Variants in ZNF564 observed in about 807,000 individuals in gnomAD.
ZNF564 encodes the protein zinc finger protein 564.
ZNF564 carries 5 observed loss-of-function variants against 10.5 expected under a neutral mutation model. The observed-to-expected ratio is 0.48, with a 90% confidence interval of 0.25 to 1.00. The LOEUF is 1.00. ZNF564 is among the 50% of genes least tolerant of loss of function. ZNF564 has a pLI of 0.16. For synonymous variants in ZNF564, 242 were observed against 218.1 expected (o/e 1.11, Z -0.97); for missense variants, 603 against 669.7 (o/e 0.90, Z 1.10).
In ZNF564 at chr19:12,527,135, G is replaced by A. The variant is rs757998779; in HGVS notation, c.973C>T (p.Arg325Ter). 1.4e-4 allele frequency: 230 copies of A among 1,613,830 alleles called. No individual in the cohort carries two copies. The highest frequency in any genetic ancestry group is 1.9e-4 in the Non-Finnish European group (223 of 1,179,996). The part of the protein sequence containing the change: ...GRAFIFPSYV[R>*]KHERTHTGEK... ...CCAGTATGAGTTCTTTCATGCTTTCGAACATAACTGGGAAAAATAAAGGCT... is the reference window on the plus strand; with the variant it reads ...CCAGTATGAGTTCTTTCATGCTTTCAAACATAACTGGGAAAAATAAAGGCT... The change falls in exon 4 of 4, where the codon CGA (arginine) becomes TGA (stop). Residue 325 changes from arginine to a stop codon, truncating the protein, a stop_gained. Coordinates refer to ENST00000339282, the MANE Select transcript of ZNF564 (RefSeq NM_144976.4). LOFTEE classifies it low-confidence loss of function (END_TRUNC).
chr19:12,527,865 T>G lies in ZNF564; in HGVS notation c.243A>C (p.Gly81=). 6.2e-7 allele frequency: 1 copy of G among 1,613,422 alleles called. No individual in the cohort carries two copies. The highest frequency in any genetic ancestry group is 8.5e-7 in the Non-Finnish European group (1 of 1,179,610). ...LSESKEYDQC[G]EAFSQILNLN... ...GATTGAGAATCTGACTGAAGGCTTC[T>G]CCACATTGATCATATTCTTTACTTT... The change falls in exon 4 of 4, where the codon GGA becomes GGC. Residue 81 remains glycine (G), a synonymous_variant. Coordinates refer to ENST00000339282, the MANE Select transcript of ZNF564 (RefSeq NM_144976.4).
At chr19:12,551,247 G>A (rs865809218) in intron 1 of ZNF564, 83 bp downstream of exon 1, 3 of 1,477,918 alleles carry the variant, frequency 2.0e-6, no homozygotes, top group Middle Eastern at 2.0e-4. Flanking sequence ...CTGCAGGGAG[G>A]CCAGGGTGCT....
chr19:12,538,450 C>A (rs1006907473), intron 1 of ZNF564, among the ~76,000 whole-genome samples: 2 of 151,838 alleles, frequency 1.3e-5, no homozygotes, highest in African/African-American at 4.8e-5. Flanking sequence ...ATGATGGAAC[C>A]CCATCTCTAC....
intron 1 of ZNF564, among the ~76,000 whole-genome samples, chr19:12,537,733 C>T (rs868831777): frequency 1.3e-4 from 16 of 119,844 alleles, no homozygotes; most frequent in Middle Eastern, 4.5e-3. Flanking sequence ...AGTGAAACTC[C>T]GTCTCAAAAA....
intron 1 of ZNF564, chr19:12,529,702 G>C (rs12982356): frequency 0.59 from 90,314 of 151,876 alleles, 28,330 homozygotes; most frequent in Non-Finnish European, 0.69. Context: ...CACAGGGTAG[G>C]CCAGGCGCAC....
intron 1 of ZNF564, among the ~76,000 whole-genome samples, chr19:12,551,075 G>A (rs1328556313): frequency 6.6e-6 from 1 of 152,236 alleles, no homozygotes; most frequent in Non-Finnish European, 1.5e-5. Flanking sequence ...GGGGCTGCGG[G>A]CGCGGAGCTG....
At chr19:12,528,843 C>T (rs946457177) in intron 1 of ZNF564, 147 bp from the exon 2 acceptor site, 30 of 819,164 alleles carry the variant, frequency 3.7e-5, no homozygotes, top group Middle Eastern at 5.7e-4. Flanking sequence ...GCATACAGAT[C>T]ACCTGAGGTC....
Position 12,526,389 on chromosome 19 carries a change from A to C in ZNF564, c.*57T>G. ...CAAACAAGTCTGAAACCCAGAAAGCAAACTGAAGACTTTCCATATTCTTTA... is the reference window on the plus strand; with the variant it reads ...CAAACAAGTCTGAAACCCAGAAAGCCAACTGAAGACTTTCCATATTCTTTA... On this transcript the variant is annotated 3_prime_UTR_variant, in exon 4 of 4. Coordinates refer to ENST00000339282, the MANE Select transcript of ZNF564 (RefSeq NM_144976.4). The C allele has an allele frequency of 2.7e-6, 4 of 1,505,908 alleles. No individual in the cohort carries two copies. Among genetic ancestry groups the C allele is most frequent in the Non-Finnish European group, 3.5e-6 (4 of 1,128,804 alleles). 93.3% of individuals were successfully genotyped at this position (1,505,908 alleles called of 1,614,324 possible). A position where few individuals can be genotyped will look rare whatever the true frequency, so the allele number is the denominator to read the frequency against.
intron 1 of ZNF564, chr19:12,532,781 A>C (rs182349220): frequency 9.9e-5 from 15 of 152,254 alleles, no homozygotes; most frequent in African/African-American, 3.6e-4. Flanking sequence ...AGCATCACAT[A>C]ATGATAAAGG....
At chr19:12,547,812 T>TC (rs2022181433) in intron 1 of ZNF564, among the ~76,000 whole-genome samples, 1 of 121,466 alleles carries the variant, frequency 8.2e-6, no homozygotes, top group African/African-American at 3.5e-5. Flanking sequence ...ATTCACTTAC[T>TC]TTTTTTTTTT....
chr19:12,528,318 C>T lies in ZNF564; in HGVS notation c.177G>A (p.Gln59=). The T allele has an allele frequency of 6.2e-7, 1 of 1,609,676 alleles. No individual in the cohort carries two copies. The highest frequency in any genetic ancestry group is 8.5e-7 in the Non-Finnish European group (1 of 1,179,078). ...DQSIEDWYKN[Q]GRILRNHMEE... ...GTGCAAATTACCTTAAAATTCTCCC[C>T]TGATTTTTGTACCAATCTTCAATGC... The change falls in exon 3 of 4, where the codon CAG becomes CAA. Residue 59 remains glutamine, a synonymous_variant. Transcript: ENST00000339282.
chr19:12,539,502 AC>A (rs1390600730), intron 1 of ZNF564, among the ~76,000 whole-genome samples: 1 of 145,046 alleles, frequency 6.9e-6, no homozygotes, highest in African/African-American at 2.5e-5. Flanking sequence ...TAATAAAAAT[AC>A]AAAAAAAAAA....
intron 1 of ZNF564, among the ~76,000 whole-genome samples, chr19:12,533,748 A>AAAAAAC (rs2021854041): frequency 6.7e-6 from 1 of 149,890 alleles, no homozygotes; most frequent in Non-Finnish European, 1.5e-5. Context: ...AAAAAAAAAA[A>AAAAAAC]AACAGAAAAA....
intron 1 of ZNF564, among the ~76,000 whole-genome samples, chr19:12,536,616 G>A (rs2021919501): frequency 6.6e-6 from 1 of 152,164 alleles, no homozygotes; most frequent in Non-Finnish European, 1.5e-5. Context: ...TGTATATTCT[G>A]AGAAGTTAAA....
chr19:12,550,862 T>TA (rs1455798658), intron 1 of ZNF564, among the ~76,000 whole-genome samples: 2 of 151,650 alleles, frequency 1.3e-5, no homozygotes, highest in Non-Finnish European at 1.5e-5. Flanking sequence ...AAAGCTAGGC[T>TA]AAAAAAAACG....
At chr19:12,543,673 C>CAAAAAAAA (rs57611686) in intron 1 of ZNF564, among the ~76,000 whole-genome samples, 1 of 62,250 alleles carries the variant, frequency 1.6e-5, no homozygotes, top group Non-Finnish European at 2.9e-5. Flanking sequence ...GACTTCGTCT[C>CAAAAAAAA]AAAAAAAAAA....
Position 12,526,218 on chromosome 19 carries a change from G to A in ZNF564, c.*228C>T. The A allele has an allele frequency of 2.2e-6, 1 of 460,300 alleles. No homozygotes were observed. The highest frequency in any genetic ancestry group is 3.8e-6 in the Non-Finnish European group (1 of 260,372). 28.5% of individuals were successfully genotyped at this position (460,300 alleles called of 1,614,324 possible). A position where few individuals can be genotyped will look rare whatever the true frequency, so the allele number is the denominator to read the frequency against. ...AATATCACATCACTCAGATATGGAT[G>A]AGACTCAATTCATGCTGAGGCAAAA... On this transcript the variant is annotated 3_prime_UTR_variant, in exon 4 of 4. Coordinates refer to ENST00000339282, the MANE Select transcript of ZNF564 (RefSeq NM_144976.4).
At chr19:12,549,575 TTG>T (rs1247777180) in intron 1 of ZNF564, among the ~76,000 whole-genome samples, 1 of 152,218 alleles carries the variant, frequency 6.6e-6, no homozygotes, top group African/African-American at 2.4e-5. Context: ...CAGGAATCAT[TTG>T]TGTCTTTTCC....
chr19:12,527,042 C>T lies in ZNF564; in HGVS notation c.1066G>A (p.Glu356Lys), dbSNP rs1300505696. 6.2e-7 allele frequency: 1 copy of T among 1,614,098 alleles called. No homozygotes were observed. The highest frequency in any genetic ancestry group is 8.5e-7 in the Non-Finnish European group (1 of 1,180,010). Residue 356 changes from glutamate (E) to lysine (K), a missense_variant, in exon 4 of 4, where the codon GAA (glutamate) becomes AAA (lysine). Coordinates refer to ENST00000339282, the MANE Select transcript of ZNF564 (RefSeq NM_144976.4). ...FSSSSNVRTH[E>K]RTHTGEKPYE... The stretch of plus-strand genomic sequence containing the variant: ...GGCTTCTCTCCAGTGTGAGTCCTTT[C>T]ATGTGTTCGAACATTACTGGAAGAA...
Sources: gnomAD v4.1 joint callset for allele counts (sites outside exome capture counted in the v4.1 genomes callset) on GRCh38, gnomAD v4.1.1 for gene constraint, MANE v1.5 for transcripts, NCBI Gene and HGNC (gene_info 2026-07-23, HGNC 2026-07-21) for gene names.